Variants in ZNF470 observed in about 807,000 individuals in gnomAD.
The protein encoded by ZNF470 is zinc finger protein 470.
In ZNF470, 13 loss-of-function variants were observed where a neutral mutation model predicts 13.9. That is an observed-to-expected ratio of 0.94 (90% CI 0.61 to 1.49). The LOEUF is 1.49. ZNF470 is among the 40% of genes most tolerant of loss of function. ZNF470 has a pLI of 0.00. For synonymous variants in ZNF470, 293 were observed against 282.9 expected, an observed-to-expected ratio of 1.04 and a Z score of -0.36; for missense variants, 929 against 857.3, an observed-to-expected ratio of 1.08 and a Z score of -1.04.
At chr19:56,573,102 A>G (rs756396268) in intron 3 of ZNF470, among the ~76,000 whole-genome samples, 2 of 152,250 alleles carry the variant, frequency 1.3e-5, no homozygotes, top group Admixed American at 1.3e-4. Flanking sequence ...TGTCTAAACT[A>G]TTGTAGCATA....
At chr19:56,570,440 C>T (rs1009092632) in intron 3 of ZNF470, 69 bp downstream of exon 3, 9 of 1,485,488 alleles carry the variant, frequency 6.1e-6, no homozygotes, top group Non-Finnish European at 7.5e-6. Context: ...TACTTGTTTT[C>T]TTCTGAAAAT....
Position 56,580,598 on chromosome 19 carries a change from C to CT in ZNF470, c.*2029dup, listed in dbSNP as rs71840986. The CT allele has an allele frequency of 6.4e-3, 950 of 147,714 alleles. 18 individuals are homozygous for CT. Among genetic ancestry groups the CT allele is most frequent in the African/African-American group, 0.018 (712 of 39,778 alleles). The allele number at this position is 147,714 out of a possible 1,614,324, so 9.2% of individuals were successfully genotyped here. A position where few individuals can be genotyped will look rare whatever the true frequency, so the allele number is the denominator to read the frequency against. On this transcript the variant is annotated 3_prime_UTR_variant, in exon 6 of 6. Coordinates refer to ENST00000330619, the MANE Select transcript of ZNF470 (RefSeq NM_001001668.4). ...AGTTATGGCCATCCCTGGAAGAGTA[C>CT]TTTTTTTTTTTTTTCAACTGAAGCA... is the stretch of plus-strand genomic sequence containing the variant.
Position 56,579,924 on chromosome 19 carries a change from G to A in ZNF470, c.*1341G>A. On this transcript the variant is annotated 3_prime_UTR_variant, in exon 6 of 6. Transcript: ENST00000330619. ...GAGGAATGTAGTTTACATTAGGAAT[G>A]TAGTACTAATACTAATTGAACATTT... 1 of 303,312 alleles carries A rather than the reference G, an allele frequency of 3.3e-6. No individual in the cohort carries two copies. The highest frequency in any genetic ancestry group is 4.8e-6 in the Non-Finnish European group (1 of 206,712). 18.8% of individuals were successfully genotyped at this position (303,312 alleles called of 1,614,324 possible). A position where few individuals can be genotyped will look rare whatever the true frequency, so the allele number is the denominator to read the frequency against.
Position 56,578,472 on chromosome 19 carries a change from A to G in ZNF470, c.2043A>G (p.Glu681=). ...HTGERPYECK[E]CGKAFRQSVH... ...GAGAAAGGCCCTATGAGTGTAAAGAATGTGGAAAAGCCTTCAGGCAGAGTG... is the reference window on the plus strand; with the variant it reads ...GAGAAAGGCCCTATGAGTGTAAAGAGTGTGGAAAAGCCTTCAGGCAGAGTG... Residue 681 remains glutamate, a synonymous_variant, in exon 6 of 6, where the codon GAA becomes GAG. Transcript: ENST00000330619. 6.2e-7 allele frequency: 1 copy of G among 1,612,538 alleles called. No individual in the cohort carries two copies. The highest frequency in any genetic ancestry group is 8.5e-7 in the Non-Finnish European group (1 of 1,179,208).
Position 56,579,119 on chromosome 19 carries a change from C to T in ZNF470, c.*536C>T, listed in dbSNP as rs2147988999. The T allele has an allele frequency of 1.0e-6, 1 of 985,436 alleles. No individual in the cohort carries two copies. Among genetic ancestry groups the T allele is most frequent in the East Asian group, 1.1e-4 (1 of 8,812 alleles). The allele number at this position is 985,436 out of a possible 1,614,324, so 61.0% of individuals were successfully genotyped here. ...CCTGACACTGAGAAGTGAGAATCAG[C>T]CAATTAGAACAAAAGCTTTTAGCTG... is the stretch of plus-strand genomic sequence containing the variant. On this transcript the variant is annotated 3_prime_UTR_variant, in exon 6 of 6. Transcript: ENST00000330619.
At chr19:56,576,039 A>G (rs2044486509) in intron 5 of ZNF470, among the ~76,000 whole-genome samples, 1 of 152,182 alleles carries the variant, frequency 6.6e-6, no homozygotes, top group African/African-American at 2.4e-5. Context: ...AACACAGTAT[A>G]TAAACTAAGG....
Position 56,570,260 on chromosome 19 carries a change from C to T in ZNF470, c.-32-20C>T, listed in dbSNP as rs553307956. On this transcript the variant is annotated intron_variant, in intron 2 of 5. Coordinates refer to ENST00000330619, the MANE Select transcript of ZNF470 (RefSeq NM_001001668.4). ...ATTATTAGTGCTACTTGGTTTCTCA[C>T]TACTTCTTTTTCTCCCCAGCTCTAC... The T allele has an allele frequency of 4.6e-5, 72 of 1,571,606 alleles. 1 individual carries two copies. The South Asian group carries it at 7.7e-4, about 17-fold the overall frequency.
chr19:56,573,571 G>A (rs1431536961), intron 3 of ZNF470, among the ~76,000 whole-genome samples: 1 of 152,224 alleles, frequency 6.6e-6, no homozygotes, highest in Non-Finnish European at 1.5e-5. Flanking sequence ...AGGAAATGGA[G>A]CTCATGTAAC....
chr19:56,581,676 AAATC>A lies in ZNF470; in HGVS notation c.*3096_*3099del, dbSNP rs2044537020. On this transcript the variant is annotated 3_prime_UTR_variant, in exon 6 of 6. Coordinates refer to ENST00000330619, the MANE Select transcript of ZNF470 (RefSeq NM_001001668.4). ...CCCATAATTGTGATATCAAAAATAA[AAATC>A]AAAATATATATTATAGTAGGCATTT... 4 of 979,996 alleles carry A rather than the reference AAATC, an allele frequency of 4.1e-6. No individual in the cohort carries two copies. In the Admixed American group the frequency reaches 2.5e-4, roughly 60 times the overall value. 60.7% of individuals were successfully genotyped at this position (979,996 alleles called of 1,614,324 possible).
At chr19:56,575,898 A>G (rs1412053654) in intron 5 of ZNF470, among the ~76,000 whole-genome samples, 2 of 152,172 alleles carry the variant, frequency 1.3e-5, no homozygotes, top group Non-Finnish European at 2.9e-5. Flanking sequence ...AAAGAACAAA[A>G]TGAATTTAAG....
At chr19:56,570,026 A>G in intron 2 of ZNF470, 1 of 368,510 alleles carries the variant, frequency 2.7e-6, no homozygotes, top group South Asian at 3.7e-5. Flanking sequence ...GCTAGTATTA[A>G]TAAATCTGTT....
rs1019096158 is a variant in ZNF470, at chr19:56,577,289, C to A, written c.860C>A (p.Thr287Asn). The A allele has an allele frequency of 4.3e-6, 7 of 1,613,138 alleles. No homozygotes were observed. Among genetic ancestry groups the A allele is most frequent in the Non-Finnish European group, 5.9e-6 (7 of 1,179,656 alleles). Residue 287 changes from threonine (T) to asparagine (N), a missense_variant, in exon 6 of 6, where the codon ACT becomes AAT. Coordinates refer to ENST00000330619, the MANE Select transcript of ZNF470 (RefSeq NM_001001668.4). The stretch of plus-strand genomic sequence containing the variant: ...ACAGGAGAAAAACCTTTTGAATGTA[C>A]TGAATGTGGGAAAGCCTTCAGCCAG... ...IHTGEKPFEC[T>N]ECGKAFSQNA...
In ZNF470 at chr19:56,581,112, T is replaced by G; in HGVS notation, c.*2529T>G. 1.0e-6 allele frequency: 1 copy of G among 953,320 alleles called. No individual in the cohort carries two copies. The highest frequency in any genetic ancestry group is 1.2e-6 in the Non-Finnish European group (1 of 800,858). The allele number at this position is 953,320 out of a possible 1,614,324, so 59.1% of individuals were successfully genotyped here. A position where few individuals can be genotyped will look rare whatever the true frequency, so the allele number is the denominator to read the frequency against. On this transcript the variant is annotated 3_prime_UTR_variant, in exon 6 of 6. Transcript: ENST00000330619. ...ATAAATGAGAGACTGACACAAAGTG[T>G]TTGCAACAGATATAATAAAGGACTG...
chr19:56,579,211 C>T lies in ZNF470; in HGVS notation c.*628C>T, dbSNP rs140702585. 73 of 931,188 alleles carry T rather than the reference C, an allele frequency of 7.8e-5. 1 individual carries two copies. In the African/African-American group the frequency reaches 1.1e-3, roughly 14 times the overall value. The allele number at this position is 931,188 out of a possible 1,614,324, so 57.7% of individuals were successfully genotyped here. ...CTGAGGCAGGCAGATTGCTTGAGCTCAGGAGTTCGAGACCAACCTGAGCAA... is the reference window on the plus strand; with the variant it reads ...CTGAGGCAGGCAGATTGCTTGAGCTTAGGAGTTCGAGACCAACCTGAGCAA... On this transcript the variant is annotated 3_prime_UTR_variant, in exon 6 of 6. Transcript: ENST00000330619.
At chr19:56,568,552 TC>T (rs572663738) in intron 1 of ZNF470, among the ~76,000 whole-genome samples, 93 of 152,192 alleles carry the variant, frequency 6.1e-4, no homozygotes, top group African/African-American at 2.1e-3. Context: ...CCCTCTGGCC[TC>T]CCACTCCAAT....
chr19:56,574,608 G>A, intron 4 of ZNF470, 30 bp from the exon 5 acceptor site: 1 of 1,612,366 alleles, frequency 6.2e-7, no homozygotes. Flanking sequence ...CCACAGCATA[G>A]GCAATTTTTA....
intron 5 of ZNF470, among the ~76,000 whole-genome samples, chr19:56,575,107 T>C (rs1337531443): frequency 6.6e-6 from 1 of 152,202 alleles, no homozygotes; most frequent in Non-Finnish European, 1.5e-5. Context: ...AGTTAACATG[T>C]ATTACAGCTA....
intron 3 of ZNF470, among the ~76,000 whole-genome samples, chr19:56,572,401 G>A (rs1270891646): frequency 1.1e-4 from 9 of 79,468 alleles, no homozygotes; most frequent in Non-Finnish European, 1.9e-4. Context: ...AATTAGCCAG[G>A]TGTGGTGGTG....
rs376763891 is a variant in ZNF470 at position 56,574,693 on chromosome 19, T to C, written c.243T>C (p.Pro81=). ...CCTTACTGGAGCAAGAGAAAGACCC[T>C]TGGGTGATAAAAGGAGGGATGAACA... is the stretch of plus-strand genomic sequence containing the variant. ...VISLLEQEKD[P]WVIKGGMNRG... The change falls in exon 5 of 6, where the codon CCT becomes CCC. Residue 81 remains proline (P), a synonymous_variant. Transcript: ENST00000330619. The C allele has an allele frequency of 1.2e-6, 2 of 1,613,678 alleles. No homozygotes were observed. The highest frequency in any genetic ancestry group is 1.3e-5 in the African/African-American group (1 of 74,900).
Sources: allele counts gnomAD v4.1 joint callset (sites outside exome capture counted in the v4.1 genomes callset), GRCh38; gene constraint gnomAD v4.1.1; transcripts MANE v1.5; gene names NCBI Gene and HGNC (gene_info 2026-07-23, HGNC 2026-07-21).